ASIC2: variants seen among roughly 807,000 people sequenced by gnomAD.
ASIC2 encodes acid sensing ion channel subunit 2, also known as acid-sensing ion channel 2.
In ASIC2, 25 loss-of-function variants were observed where a neutral mutation model predicts 57.3. The ratio of observed to expected loss-of-function variants is 0.44; its 90% CI spans 0.32 to 0.61. The LOEUF (loss-of-function observed/expected upper bound fraction) is 0.61, where lower values mean the gene tolerates loss of function less well. Ranked by LOEUF, ASIC2 falls within the 20% of genes least tolerant of loss-of-function variation. ASIC2 has a pLI of 0.06. For missense variants in ASIC2, 641 were observed against 738.1 expected, an observed-to-expected ratio of 0.87 and a Z score of 1.52; for synonymous variants, 319 against 307.5, an observed-to-expected ratio of 1.04 and a Z score of -0.39.
chr17:33,381,834 C>A (rs1434920639), intron 1 of ASIC2, among the ~76,000 whole-genome samples: 1 of 152,208 alleles, frequency 6.6e-6, no homozygotes, highest in Admixed American at 6.5e-5. Context: ...CCATAAAATT[C>A]TCTGAATCTT....
intron 2 of ASIC2, among the ~76,000 whole-genome samples, chr17:33,090,038 G>A (rs1386429932): frequency 6.6e-6 from 1 of 152,080 alleles, no homozygotes; most frequent in East Asian, 1.9e-4. Flanking sequence ...TGTTTCCAAG[G>A]ACCCCAGGCT....
chr17:33,575,216 C>G (rs949956018), intron 1 of ASIC2, among the ~76,000 whole-genome samples: 1 of 152,176 alleles, frequency 6.6e-6, no homozygotes, highest in Non-Finnish European at 1.5e-5. Flanking sequence ...TCTGAATCTC[C>G]ACTCCTTGTT....
intron 3 of ASIC2, among the ~76,000 whole-genome samples, chr17:33,038,800 T>C (rs1054053840): frequency 1.3e-5 from 2 of 152,204 alleles, no homozygotes; most frequent in Non-Finnish European, 2.9e-5. Context: ...ATGTTGTTCT[T>C]CAATCATTGA....
At chr17:33,921,639 T>A (rs773873399) in intron 1 of ASIC2, among the ~76,000 whole-genome samples, 3 of 152,012 alleles carry the variant, frequency 2.0e-5, no homozygotes, top group African/African-American at 2.4e-5. Context: ...TCTGTGCTGG[T>A]TAATTTTGGA....
chr17:34,131,307 G>C (rs1435481996), intron 1 of ASIC2, among the ~76,000 whole-genome samples: 1 of 152,180 alleles, frequency 6.6e-6, no homozygotes, highest in East Asian at 1.9e-4. Flanking sequence ...GGATGGAAGA[G>C]AGAGAGGAGC....
chr17:33,447,919 A>G (rs2141988232), intron 1 of ASIC2, among the ~76,000 whole-genome samples: 1 of 150,686 alleles, frequency 6.6e-6, no homozygotes. Context: ...TCTCAAAAAA[A>G]AAAAAAAAAA....
At chr17:33,782,065 T>C (rs1440631367) in intron 1 of ASIC2, among the ~76,000 whole-genome samples, 1 of 152,178 alleles carries the variant, frequency 6.6e-6, no homozygotes, top group African/African-American at 2.4e-5. Context: ...CAGATAGAAG[T>C]TCTTTGTCTG....
chr17:33,648,038 C>T (rs1906800215), intron 1 of ASIC2, among the ~76,000 whole-genome samples: 1 of 152,170 alleles, frequency 6.6e-6, no homozygotes, highest in African/African-American at 2.4e-5. Context: ...AGGACGGTCC[C>T]CATCATGAAT....
Position 33,673,940 on chromosome 17 carries a change from C to T in ASIC2, c.555+482038G>A, listed in dbSNP as rs1170186708. On this transcript the variant is annotated intron_variant, in intron 1 of 9. Transcript: ENST00000359872. ...GACGGAGTCTCACTCTGTTGCCAGG[C>T]TGGAGTGCAATGGTGCCATCTCGGC... Among the ~76,000 whole-genome samples, 4 of 149,338 alleles carry T rather than the reference C, an allele frequency of 2.7e-5. No individual in the cohort carries two copies. The East Asian group carries it at 7.7e-4, about 29-fold the overall frequency.
chr17:33,834,395 T>C (rs1483789542), intron 1 of ASIC2: 1 of 152,198 alleles, frequency 6.6e-6, no homozygotes, highest in Non-Finnish European at 1.5e-5. Context: ...CCATTGGAGA[T>C]CTCTAGAAGC....
chr17:33,115,150 T>C (rs555158159), intron 1 of ASIC2, among the ~76,000 whole-genome samples: 1 of 152,282 alleles, frequency 6.6e-6, no homozygotes, highest in South Asian at 2.1e-4. Flanking sequence ...TTGGTGTCAA[T>C]GTAATCTTTC....
At chr17:33,122,910 C>T (rs868268645) in intron 1 of ASIC2, among the ~76,000 whole-genome samples, 5 of 149,318 alleles carry the variant, frequency 3.3e-5, no homozygotes, top group Admixed American at 1.3e-4. Context: ...CACAAATCAT[C>T]GGAGACATGC....
intron 1 of ASIC2, among the ~76,000 whole-genome samples, chr17:33,615,996 T>C (rs911603269): frequency 6.6e-6 from 1 of 152,188 alleles, no homozygotes; most frequent in African/African-American, 2.4e-5. Context: ...CAGTGTACAC[T>C]GCAACCCATT....
chr17:33,311,444 G>GTA (rs1906420951), intron 1 of ASIC2, among the ~76,000 whole-genome samples: 2 of 151,912 alleles, frequency 1.3e-5, no homozygotes. Context: ...GTGTGTGTGT[G>GTA]TGTGTGTGTG....
chr17:33,116,271 C>T (rs2092280553), intron 1 of ASIC2, among the ~76,000 whole-genome samples: 1 of 152,190 alleles, frequency 6.6e-6, no homozygotes, highest in Admixed American at 6.5e-5. Flanking sequence ...CATCAAAAGC[C>T]AGAGAGCTAT....
At chr17:33,082,626 G>A (rs950692431) in intron 3 of ASIC2, among the ~76,000 whole-genome samples, 1 of 152,048 alleles carries the variant, frequency 6.6e-6, no homozygotes, top group Admixed American at 6.6e-5. Context: ...TTGAACTCAG[G>A]AGGTGGAGGT....
intron 1 of ASIC2, among the ~76,000 whole-genome samples, chr17:33,556,259 A>G (rs1019611975): frequency 6.6e-6 from 1 of 152,222 alleles, no homozygotes; most frequent in African/African-American, 2.4e-5. Context: ...AGACAATCTT[A>G]AAGAGCAAGT....
intron 1 of ASIC2, among the ~76,000 whole-genome samples, chr17:33,221,868 G>GTTTA (rs1611000): frequency 0.71 from 108,277 of 151,626 alleles, 38,866 homozygotes; most frequent in Middle Eastern, 0.8. Flanking sequence ...CCCGATAGAT[G>GTTTA]TTTAAACCAT....
chr17:33,318,308 TG>T (rs934506746), intron 1 of ASIC2, among the ~76,000 whole-genome samples: 1 of 152,208 alleles, frequency 6.6e-6, no homozygotes, highest in African/African-American at 2.4e-5. Context: ...CTTCTCCATT[TG>T]CATGTGAGTT....
Sources: gnomAD v4.1 joint callset for allele counts (sites outside exome capture counted in the v4.1 genomes callset) on GRCh38, gnomAD v4.1.1 for gene constraint, MANE v1.5 for transcripts, NCBI Gene and HGNC (gene_info 2026-07-23, HGNC 2026-07-21) for gene names.